The following PCDHA8 variants were observed in gnomAD, a reference collection of about 807,000 sequenced individuals.
PCDHA8 encodes protocadherin alpha 8, also known as protocadherin alpha-8.
A neutral mutation model predicts 61.8 loss-of-function variants in PCDHA8; 53 were observed. The observed-to-expected ratio is 0.86, with a 90% CI of 0.69 to 1.08. The LOEUF is 1.08. Among genes scored for constraint, PCDHA8 ranks in the 50% least tolerant of loss-of-function variants. The probability of loss-of-function intolerance (pLI) is 0.00; values close to 1 mark genes in which losing one functional copy is unlikely to be tolerated. For synonymous variants in PCDHA8, 618 were observed against 556.6 expected, an observed-to-expected ratio of 1.11 and a Z score of -1.55; for missense variants, 1,293 against 1,245.0, an observed-to-expected ratio of 1.04 and a Z score of -0.58.
At chr5:140,876,768 G>A (rs2056572417) in intron 1 of PCDHA8, 3 of 1,614,212 alleles carry the variant, frequency 1.9e-6, no homozygotes, top group Non-Finnish European at 2.5e-6. Flanking sequence ...ATGGGGGCTC[G>A]CCTTCGCTGT....
chr5:140,855,185 T>C (rs1184210889), intron 1 of PCDHA8, among the ~76,000 whole-genome samples: 3 of 149,814 alleles, frequency 2.0e-5, no homozygotes, highest in African/African-American at 7.3e-5. Flanking sequence ...TGTGGCCAAA[T>C]TGAGGCCTGA....
intron 1 of PCDHA8, chr5:140,848,890 T>A (rs1554142528): frequency 3.1e-6 from 5 of 1,595,934 alleles, no homozygotes; most frequent in Non-Finnish European, 4.3e-6. Context: ...AACCCTCCAG[T>A]GTTCCCAGCG....
intron 1 of PCDHA8, chr5:140,869,457 T>C: frequency 6.2e-7 from 1 of 1,614,184 alleles, no homozygotes. Context: ...AGGTTTTCCA[T>C]GTGAACGTGG....
chr5:140,882,475 AAGAC>A (rs2059154037), intron 1 of PCDHA8: 1 of 1,613,902 alleles, frequency 6.2e-7, no homozygotes, highest in Non-Finnish European at 8.5e-7. Flanking sequence ...TGGCGTCCAA[AAGAC>A]ACGGGGACCT....
chr5:140,862,746 C>A, intron 1 of PCDHA8: 2 of 577,770 alleles, frequency 3.5e-6, no homozygotes, highest in East Asian at 9.5e-5. Flanking sequence ...TGTGGGTGCA[C>A]GCGGAGAGCG....
At chr5:140,871,802 T>G (rs2053316499) in intron 1 of PCDHA8, among the ~76,000 whole-genome samples, 1 of 152,178 alleles carries the variant, frequency 6.6e-6, no homozygotes, top group South Asian at 2.1e-4. Context: ...TAATTACTAT[T>G]TTCACTAAAG....
At chr5:140,944,383 C>T (rs1344204416) in intron 1 of PCDHA8, among the ~76,000 whole-genome samples, 1 of 152,084 alleles carries the variant, frequency 6.6e-6, no homozygotes, top group African/African-American at 2.4e-5. Context: ...GATGGAGTCT[C>T]ACTGTGTTAT....
chr5:140,883,207 G>T (rs781883209), intron 1 of PCDHA8: 12 of 1,613,794 alleles, frequency 7.4e-6, no homozygotes, highest in East Asian at 2.2e-5. Context: ...TCGAAGAAAA[G>T]AAATTATATG....
chr5:140,852,580 TTA>T, intron 1 of PCDHA8: 5 of 841,004 alleles, frequency 5.9e-6, no homozygotes, highest in South Asian at 5.3e-5. Context: ...CAAGGCTTTT[TTA>T]TTTTTTTTTT....
intron 1 of PCDHA8, chr5:140,856,875 T>C (rs782182859): frequency 1.3e-6 from 2 of 1,595,778 alleles, no homozygotes; most frequent in Non-Finnish European, 1.7e-6. Flanking sequence ...AACAAGGAAA[T>C]GATGTATTCA....
At chr5:140,926,517 C>G (rs1428470636) in intron 1 of PCDHA8, 1 of 201,972 alleles carries the variant, frequency 5.0e-6, no homozygotes. Flanking sequence ...CCAGGCTCCG[C>G]CCTGCGCCCG....
At chr5:140,871,533 G>A in intron 1 of PCDHA8, 2 of 1,516,446 alleles carry the variant, frequency 1.3e-6, no homozygotes, top group South Asian at 1.3e-5. Context: ...GGAAGTGTAT[G>A]TGAAATTATT....
chr5:140,905,617 G>T (rs1019062717), intron 1 of PCDHA8, among the ~76,000 whole-genome samples: 8 of 152,116 alleles, frequency 5.3e-5, no homozygotes, highest in Non-Finnish European at 1.5e-5. Context: ...TCTATAGATT[G>T]CTTTTGACAG....
chr5:140,981,864 T>C (rs1554243477), intron 2 of PCDHA8, among the ~76,000 whole-genome samples: 3 of 152,294 alleles, frequency 2.0e-5, no homozygotes, highest in African/African-American at 7.2e-5. Context: ...CCCAGCAATG[T>C]TTTATGCTGA....
At chr5:141,007,379 C>T (rs1178671835) in intron 3 of PCDHA8, among the ~76,000 whole-genome samples, 1 of 139,926 alleles carries the variant, frequency 7.1e-6, no homozygotes, top group Non-Finnish European at 1.5e-5. Context: ...GATGGAACAC[C>T]ATCTCTACTA....
At chr5:140,871,729 G>T in intron 1 of PCDHA8, 2 of 714,516 alleles carry the variant, frequency 2.8e-6, no homozygotes, top group South Asian at 2.4e-5. Context: ...TTAATATTTG[G>T]TTAGCAAATC....
At chr5:140,968,519 A>C (rs1030847582) in intron 1 of PCDHA8, 1 of 1,614,008 alleles carries the variant, frequency 6.2e-7, no homozygotes, top group African/African-American at 1.3e-5. Flanking sequence ...CCCTACCTCA[A>C]CCAACTCGTC....
At chr5:140,875,600 C>A (rs2055640130) in intron 1 of PCDHA8, 5 of 1,613,766 alleles carry the variant, frequency 3.1e-6, no homozygotes, top group African/African-American at 1.3e-5. Flanking sequence ...AAACACGGCA[C>A]CTTCGTGGGC....
At chr5:140,869,857 A>T in intron 1 of PCDHA8, 1 of 1,610,928 alleles carries the variant, frequency 6.2e-7, no homozygotes, top group Non-Finnish European at 8.5e-7. Flanking sequence ...GGTGAGCCTT[A>T]TGGAAAATGC....
Sources: allele counts gnomAD v4.1 joint callset (sites outside exome capture counted in the v4.1 genomes callset), GRCh38; gene constraint gnomAD v4.1.1; transcripts MANE v1.5; gene names NCBI Gene and HGNC (gene_info 2026-07-23, HGNC 2026-07-21).